VPS13B: variants seen among roughly 807,000 people sequenced by gnomAD.
The protein encoded by VPS13B is intermembrane lipid transfer protein VPS13B.
In VPS13B, 285 loss-of-function variants were observed where a neutral mutation model predicts 426.4. The ratio of observed to expected loss-of-function variants is 0.67; its 90% CI spans 0.61 to 0.74. VPS13B has a LOEUF of 0.74. Among genes scored for constraint, VPS13B ranks in the 30% least tolerant of loss-of-function variants. The pLI is 0.00. For missense variants in VPS13B, 4,537 were observed against 4,782.6 expected (o/e 0.95, Z 1.51); for synonymous variants, 1,676 against 1,676.4 (o/e 1.00, Z 0.01).
Position 99,429,029 on chromosome 8 carries a change from G to A in VPS13B, c.3083-2508G>A, listed in dbSNP as rs534186982. On this transcript the variant is annotated intron_variant, in intron 21 of 61. Transcript: ENST00000357162. ...ATCATTCTCAGCAAACTAACGCAAGGACAAAAAACCAAACACAGCATATTC... is the reference window on the plus strand; with the variant it reads ...ATCATTCTCAGCAAACTAACGCAAGAACAAAAAACCAAACACAGCATATTC... 1.5e-4 allele frequency among the ~76,000 whole-genome samples: 23 copies of A among 152,010 alleles called. No individual in the cohort carries two copies. The South Asian group carries it at 4.0e-3, about 26-fold the overall frequency.
intron 54 of VPS13B, 107 bp from the exon 55 acceptor site, chr8:99,848,669 A>G: frequency 9.9e-7 from 1 of 1,007,192 alleles, no homozygotes; most frequent in Non-Finnish European, 1.6e-6. Context: ...AAATATAACC[A>G]GGAATTGTTT....
At chr8:99,516,503 TG>T (rs1469998400) in intron 29 of VPS13B, among the ~76,000 whole-genome samples, 1 of 152,006 alleles carries the variant, frequency 6.6e-6, no homozygotes, top group Non-Finnish European at 1.5e-5. Flanking sequence ...AAATTAAAAA[TG>T]TAGGCCAGGC....
intron 14 of VPS13B, among the ~76,000 whole-genome samples, chr8:99,149,854 AG>A (rs751019860): frequency 1.2e-4 from 19 of 152,194 alleles, no homozygotes; most frequent in Non-Finnish European, 2.6e-4. Flanking sequence ...TGTGCATGCA[AG>A]GGATCTAGGT....
chr8:99,455,268 G>A lies in VPS13B; in HGVS notation c.3446-12146G>A, dbSNP rs189696345. Among the ~76,000 whole-genome samples the A allele has an allele frequency of 2.0e-5, 3 of 152,212 alleles. No individual in the cohort carries two copies. In the East Asian group the frequency reaches 5.8e-4, roughly 29 times the overall value. ...TTAGGTCTTGTATTAGTTTGTTCTT[G>A]CATTGCTATAAAGAAATACCTGAGA... On this transcript the variant is annotated intron_variant, in intron 23 of 61. Transcript: ENST00000357162.
At chr8:99,860,690 T>G (rs1474256598) in intron 57 of VPS13B, among the ~76,000 whole-genome samples, 1 of 152,244 alleles carries the variant, frequency 6.6e-6, no homozygotes, top group Non-Finnish European at 1.5e-5. Context: ...AAACTGGACC[T>G]GCAATAACAG....
intron 56 of VPS13B, among the ~76,000 whole-genome samples, 179 bp from the exon 57 acceptor site, chr8:99,859,125 T>C (rs1319109707): frequency 6.6e-6 from 1 of 152,234 alleles, no homozygotes; most frequent in Non-Finnish European, 1.5e-5. Flanking sequence ...GTATGAAAGT[T>C]TGCCATTTAT....
chr8:99,636,393 C>T (rs2133920470), intron 33 of VPS13B, among the ~76,000 whole-genome samples: 1 of 151,972 alleles, frequency 6.6e-6, no homozygotes, highest in East Asian at 1.9e-4. Context: ...TTTAATTAGC[C>T]ATTGTGGAAC....
intron 19 of VPS13B, among the ~76,000 whole-genome samples, chr8:99,378,367 G>A (rs942397179): frequency 1.1e-4 from 16 of 152,048 alleles, no homozygotes; most frequent in Non-Finnish European, 1.9e-4. Flanking sequence ...AAACACACAT[G>A]CTTTACAAAC....
intron 25 of VPS13B, among the ~76,000 whole-genome samples, chr8:99,497,276 T>TTA (rs1236267816): frequency 1.4e-5 from 2 of 140,822 alleles, no homozygotes; most frequent in African/African-American, 2.5e-5. Context: ...ATGTATATAT[T>TTA]TATATATACA....
intron 17 of VPS13B, among the ~76,000 whole-genome samples, chr8:99,244,385 A>G (rs980053388): frequency 6.6e-5 from 10 of 152,268 alleles, no homozygotes; most frequent in Non-Finnish European, 1.3e-4. Flanking sequence ...CAGGTTTTAG[A>G]GTTAATTGTT....
At chr8:99,681,011 A>G (rs915044035) in intron 35 of VPS13B, among the ~76,000 whole-genome samples, 1 of 152,242 alleles carries the variant, frequency 6.6e-6, no homozygotes, top group Non-Finnish European at 1.5e-5. Context: ...GTTAAAAAAT[A>G]CCAGACACTA....
chr8:99,148,142 C>G, intron 14 of VPS13B, 132 bp downstream of exon 14: 1 of 987,482 alleles, frequency 1.0e-6, no homozygotes. Flanking sequence ...ATTCAGGAGG[C>G]TGGGGCAGGA....
At chr8:99,227,886 C>T (rs1198527062) in intron 17 of VPS13B, among the ~76,000 whole-genome samples, 4 of 152,092 alleles carry the variant, frequency 2.6e-5, no homozygotes, top group Non-Finnish European at 5.9e-5. Flanking sequence ...ATTGATGACC[C>T]AATGCTTAAG....
intron 21 of VPS13B, among the ~76,000 whole-genome samples, chr8:99,393,927 GTACA>G (rs1456778873): frequency 1.3e-5 from 2 of 151,992 alleles, no homozygotes; most frequent in Admixed American, 6.6e-5. Context: ...CTTAGAGTGA[GTACA>G]TACATCTAAA....
At position 99,573,383 on chromosome 8, in the gene VPS13B, G is replaced by T. The variant is rs558013218; in HGVS notation, c.4950-2275G>T. 4.7e-3 allele frequency among the ~76,000 whole-genome samples: 715 copies of T among 152,288 alleles called. 6 individuals carry two copies. Among genetic ancestry groups the T allele is most frequent in the Non-Finnish European group, 7.4e-3 (500 of 68,026 alleles). On this transcript the variant is annotated intron_variant, in intron 31 of 61. Transcript: ENST00000357162. ...ACATGAAGTCCTTGCCCATGCCTAT[G>T]TCCTGAAAGGTATTGCCTAGGTTTT...
At chr8:99,494,845 A>G (rs1820803043) in intron 25 of VPS13B, among the ~76,000 whole-genome samples, 2 of 152,112 alleles carry the variant, frequency 1.3e-5, no homozygotes, top group East Asian at 3.8e-4. Flanking sequence ...GGCTGTAAGT[A>G]AATTCTGTAC....
intron 21 of VPS13B, among the ~76,000 whole-genome samples, chr8:99,402,124 C>T (rs1588334959): frequency 6.6e-6 from 1 of 152,316 alleles, no homozygotes; most frequent in Non-Finnish European, 1.5e-5. Context: ...GGTGCAGATT[C>T]ACTGTGCAGT....
intron 29 of VPS13B, among the ~76,000 whole-genome samples, chr8:99,515,186 G>A (rs1821991556): frequency 6.6e-6 from 1 of 152,152 alleles, no homozygotes; most frequent in African/African-American, 2.4e-5. Context: ...TTTATTTTCT[G>A]TGGGGCTTTT....
intron 34 of VPS13B, among the ~76,000 whole-genome samples, chr8:99,644,463 G>A (rs756633169): frequency 1.5e-4 from 23 of 152,014 alleles, no homozygotes; most frequent in Non-Finnish European, 2.8e-4. Flanking sequence ...TAAAATAATA[G>A]AACACTTGTT....
Sources: gnomAD v4.1 joint callset for allele counts (sites outside exome capture counted in the v4.1 genomes callset) on GRCh38, gnomAD v4.1.1 for gene constraint, MANE v1.5 for transcripts, NCBI Gene and HGNC (gene_info 2026-07-23, HGNC 2026-07-21) for gene names.